Variants in INTS4 observed in about 807,000 individuals in gnomAD.
INTS4 encodes the protein integrator complex subunit 4, also known as MSTP093.
Under a neutral mutation model 119.5 loss-of-function variants are expected in INTS4, and 70 were observed. The ratio of observed to expected loss-of-function variants is 0.59; its 90% CI spans 0.48 to 0.71. The LOEUF (loss-of-function observed/expected upper bound fraction) is 0.71, where lower values mean the gene tolerates loss of function less well. Ranked by LOEUF, INTS4 falls within the 30% of genes least tolerant of loss-of-function variation. The pLI, the probability that INTS4 is intolerant of heterozygous loss-of-function variation, is 0.00. For missense variants in INTS4, 867 were observed against 1,173.2 expected, an observed-to-expected ratio of 0.74 and a Z score of 3.81; for synonymous variants, 316 against 419.6, an observed-to-expected ratio of 0.75 and a Z score of 3.02.
Position 77,903,920 on chromosome 11 carries a change from G to A in INTS4, c.2017-300C>T, listed in dbSNP as rs529829239. On this transcript the variant is annotated intron_variant, in intron 16 of 22. Transcript: ENST00000534064. Reference sequence around the variant, plus strand: ...AAGCTTCACCAGAATGCGCAGGCAAGCCAGCTTCCGGGCTCTAGGCACTCC... The same window carrying A: ...AAGCTTCACCAGAATGCGCAGGCAAACCAGCTTCCGGGCTCTAGGCACTCC... Among the ~76,000 whole-genome samples the A allele has an allele frequency of 1.8e-3, 280 of 152,290 alleles. 1 individual carries two copies. The highest frequency in any genetic ancestry group is 6.6e-3 in the African/African-American group (273 of 41,548).
At chr11:77,906,610 C>A (rs1591039888) in intron 16 of INTS4, among the ~76,000 whole-genome samples, 2 of 152,180 alleles carry the variant, frequency 1.3e-5, no homozygotes, top group East Asian at 3.8e-4. Context: ...GGTGATTACA[C>A]AGATATATAC....
At position 77,882,988 on chromosome 11, in the gene INTS4, C is replaced by A. The variant is rs185768594; in HGVS notation, c.2713+844G>T. ...TCGGGAGGCTGAGACAGGAGAAGCA[C>A]CTGAACCCAGGAGGCAGACAGAGGT... On this transcript the variant is annotated intron_variant, in intron 22 of 22. Transcript: ENST00000534064. 5.3e-5 allele frequency among the ~76,000 whole-genome samples: 8 copies of A among 152,186 alleles called. 1 individual carries two copies. In the East Asian group the frequency reaches 1.5e-3, roughly 29 times the overall value.
intron 15 of INTS4, 129 bp downstream of exon 15, chr11:77,918,692 A>G (rs1953266198): frequency 1.5e-6 from 2 of 1,303,948 alleles, no homozygotes; most frequent in African/African-American, 1.5e-5. Flanking sequence ...TAAACAGACC[A>G]TAAAACCGTG....
At chr11:77,950,703 A>G (rs1954169776) in intron 8 of INTS4, among the ~76,000 whole-genome samples, 1 of 150,776 alleles carries the variant, frequency 6.6e-6, no homozygotes, top group Non-Finnish European at 1.5e-5. Flanking sequence ...TGCCCCATAT[A>G]TACAATGTGT....
chr11:77,932,361 C>T (rs1953672735), intron 10 of INTS4, among the ~76,000 whole-genome samples: 1 of 152,192 alleles, frequency 6.6e-6, no homozygotes, highest in South Asian at 2.1e-4. Flanking sequence ...AAAAAAAGCT[C>T]ATCATCACTG....
chr11:77,900,884 T>C, intron 18 of INTS4: 1 of 469,584 alleles, frequency 2.1e-6, no homozygotes, highest in East Asian at 3.7e-5. Flanking sequence ...ATCTCATTTA[T>C]TCTTCATAGA....
intron 18 of INTS4, among the ~76,000 whole-genome samples, chr11:77,900,313 A>T (rs912193920): frequency 6.6e-6 from 1 of 152,030 alleles, no homozygotes; most frequent in African/African-American, 2.4e-5. Flanking sequence ...GTTAGCCAGG[A>T]TGCTCTTGAT....
intron 7 of INTS4, among the ~76,000 whole-genome samples, chr11:77,957,912 G>A (rs1361237945): frequency 4.6e-5 from 7 of 151,756 alleles, no homozygotes; most frequent in South Asian, 4.2e-4. Context: ...GAGGTGATCC[G>A]CCCACCTCGG....
In INTS4 at chr11:77,923,910, G is replaced by A. The variant is rs189370681; in HGVS notation, c.1514+840C>T. 3.3e-5 allele frequency among the ~76,000 whole-genome samples: 5 copies of A among 150,794 alleles called. No individual in the cohort carries two copies. In the East Asian group the frequency reaches 5.9e-4, roughly 18 times the overall value. On this transcript the variant is annotated intron_variant, in intron 12 of 22. Transcript: ENST00000534064. ...CTCCCAAGTATCTGGGATTACAGGC[G>A]TGTGCCACTAGGCCCGGCAGATTTT...
At chr11:77,966,584 T>C (rs1855510845) in intron 4 of INTS4, among the ~76,000 whole-genome samples, 1 of 152,168 alleles carries the variant, frequency 6.6e-6, no homozygotes, top group Middle Eastern at 3.2e-3. Flanking sequence ...GGCACCACTG[T>C]CAAAAATCAG....
chr11:77,960,953 C>A lies in INTS4; in HGVS notation c.657G>T (p.Met219Ile). The change falls in exon 5 of 23, where the codon ATG (methionine) becomes ATT (isoleucine). Residue 219 changes from methionine to isoleucine, a missense_variant and splice_region_variant. Coordinates refer to ENST00000534064, the MANE Select transcript of INTS4 (RefSeq NM_033547.4). Reference protein sequence around the residue: ...PRVRTAAIKAMLQLHERGLKL... With the variant: ...PRVRTAAIKAILQLHERGLKL... ...AACTAGTTTCCATAATCACATTTAC[C>A]ATGGCTTTTATAGCTGCTGTTCTGA... 1 of 1,592,214 alleles carries A rather than the reference C, an allele frequency of 6.3e-7. No individual in the cohort carries two copies. Among genetic ancestry groups the A allele is most frequent in the Non-Finnish European group, 8.5e-7 (1 of 1,170,718 alleles).
chr11:77,924,255 T>A (rs1466472232), intron 12 of INTS4, among the ~76,000 whole-genome samples: 1 of 150,446 alleles, frequency 6.6e-6, no homozygotes. Context: ...AAAAATTAGT[T>A]GGGGTATGGT....
At chr11:77,887,735 A>G (rs1952078310) in intron 21 of INTS4, among the ~76,000 whole-genome samples, 2 of 152,200 alleles carry the variant, frequency 1.3e-5, no homozygotes, top group Admixed American at 1.3e-4. Context: ...CTCAGGATAC[A>G]AAATCAATGT....
At chr11:77,942,480 G>A (rs910240278) in intron 8 of INTS4, among the ~76,000 whole-genome samples, 1 of 152,102 alleles carries the variant, frequency 6.6e-6, no homozygotes, top group African/African-American at 2.4e-5. Flanking sequence ...CATAATCCCT[G>A]TTAAACATCT....
At chr11:77,928,261 C>A in intron 11 of INTS4, 81 bp downstream of exon 11, 1 of 1,445,574 alleles carries the variant, frequency 6.9e-7, no homozygotes, top group Non-Finnish European at 9.6e-7. Context: ...AGTGTTCTGT[C>A]ACCAATGCCT....
chr11:77,977,610 A>G (rs1303128887), intron 4 of INTS4, among the ~76,000 whole-genome samples: 1 of 151,690 alleles, frequency 6.6e-6, no homozygotes, highest in African/African-American at 2.4e-5. Context: ...TGAATTATGA[A>G]TGCATTTTTC....
chr11:77,984,548 G>A (rs1020529226), intron 2 of INTS4, among the ~76,000 whole-genome samples: 3 of 151,562 alleles, frequency 2.0e-5, no homozygotes, highest in Non-Finnish European at 4.4e-5. Context: ...TGGAGGTGGG[G>A]GTGATGGAGG....
intron 12 of INTS4, chr11:77,924,444 G>A (rs1222980150): frequency 8.4e-6 from 2 of 238,644 alleles, no homozygotes; most frequent in African/African-American, 4.5e-5. Flanking sequence ...AGGAGAAAGA[G>A]GAAATCTAAT....
chr11:77,877,963 G>A (rs1190087009), downstream of INTS4, among the ~76,000 whole-genome samples: 3 of 152,046 alleles, frequency 2.0e-5, no homozygotes, highest in Non-Finnish European at 4.4e-5. Flanking sequence ...TTCTTGCACT[G>A]GACCCCTGTT....
Sources: gnomAD v4.1 joint callset for allele counts (sites outside exome capture counted in the v4.1 genomes callset) on GRCh38, gnomAD v4.1.1 for gene constraint, MANE v1.5 for transcripts, NCBI Gene and HGNC (gene_info 2026-07-23, HGNC 2026-07-21) for gene names.